Variants in B3GALT5 observed in about 807,000 individuals in gnomAD.
B3GALT5 encodes the protein beta-1,3-galactosyltransferase 5, also known as UDP-Gal:betaGlcNAc beta 1,3-galactosyltransferase, polypeptide 5.
For synonymous variants in B3GALT5, 156 were observed against 158.6 expected, an observed-to-expected ratio of 0.98 and a Z score of 0.12; for missense variants, 328 against 396.6, an observed-to-expected ratio of 0.83 and a Z score of 1.47.
At chr21:39,628,392 C>G (rs2079174785) in intron 1 of B3GALT5, among the ~76,000 whole-genome samples, 1 of 152,170 alleles carries the variant, frequency 6.6e-6, no homozygotes, top group Non-Finnish European at 1.5e-5. Flanking sequence ...TAAGTAATTT[C>G]TCATCCATCC....
intron 1 of B3GALT5, among the ~76,000 whole-genome samples, chr21:39,615,348 T>C (rs1029329744): frequency 1.3e-5 from 2 of 152,222 alleles, no homozygotes; most frequent in Admixed American, 6.5e-5. Context: ...AGATGATTTA[T>C]AGAGATTTTG....
intron 2 of B3GALT5, among the ~76,000 whole-genome samples, chr21:39,655,771 G>A (rs2079437118): frequency 6.6e-6 from 1 of 152,176 alleles, no homozygotes; most frequent in Non-Finnish European, 1.5e-5. Context: ...AGCCAGGCTG[G>A]CGTCAGTCTG....
intron 1 of B3GALT5, among the ~76,000 whole-genome samples, chr21:39,620,443 T>G (rs2079128562): frequency 6.6e-6 from 1 of 152,222 alleles, no homozygotes; most frequent in Non-Finnish European, 1.5e-5. Context: ...GTTCTGATAG[T>G]TTACATGTAG....
chr21:39,638,870 G>A (rs2079249694), intron 1 of B3GALT5, among the ~76,000 whole-genome samples: 1 of 152,166 alleles, frequency 6.6e-6, no homozygotes, highest in African/African-American at 2.4e-5. Context: ...GGAGGACAAG[G>A]GAACTTCTTC....
Position 39,670,271 on chromosome 21 carries a change from T to C in B3GALT5, c.*8779T>C, listed in dbSNP as rs16998106. 25,598 of 152,090 alleles carry C rather than the reference T, an allele frequency of 0.17. 3,844 individuals are homozygous for C. Among genetic ancestry groups the C allele is most frequent in the African/African-American group, 0.41 (16,964 of 41,384 alleles). 9.4% of individuals were successfully genotyped at this position (152,090 alleles called of 1,614,324 possible). On this transcript the variant is annotated 3_prime_UTR_variant, in exon 4 of 4. Transcript: ENST00000684187. The stretch of plus-strand genomic sequence containing the variant: ...AGAGAGAGAGACAGACAGACAGATC[T>C]GAGGCTCTAATTAGAGATACCATGC...
chr21:39,646,643 T>A (rs1459963379), intron 2 of B3GALT5, 21 bp downstream of exon 2: 1 of 152,178 alleles, frequency 6.6e-6, no homozygotes, highest in Non-Finnish European at 1.5e-5. Context: ...TTCCAAGGTT[T>A]GTACCAAGAA....
Position 39,670,405 on chromosome 21 carries a change from C to G in B3GALT5, c.*8913C>G, listed in dbSNP as rs905755146. 4 of 152,194 alleles carry G rather than the reference C, an allele frequency of 2.6e-5. No homozygotes were observed. The highest frequency in any genetic ancestry group is 3.2e-3 in the Middle Eastern group (1 of 316). 9.4% of individuals were successfully genotyped at this position (152,194 alleles called of 1,614,324 possible). On this transcript the variant is annotated 3_prime_UTR_variant, in exon 4 of 4. Transcript: ENST00000684187. ...ACCTGGGATGTAAAACAGCAGGCAC[C>G]CCCACTGCCCTCCTCAGCTGTTGGG...
In B3GALT5 at chr21:39,660,549, G is replaced by A. The variant is rs372075526; in HGVS notation, c.1-11G>A. 2 of 1,416,614 alleles carry A rather than the reference G, an allele frequency of 1.4e-6. No homozygotes were observed. The highest frequency in any genetic ancestry group is 1.8e-6 in the Non-Finnish European group (2 of 1,081,928). 87.8% of individuals were successfully genotyped at this position (1,416,614 alleles called of 1,614,324 possible). On this transcript the variant is annotated splice_polypyrimidine_tract_variant and intron_variant, in intron 3 of 3. Coordinates refer to ENST00000684187, the MANE Select transcript of B3GALT5 (RefSeq NM_001356336.2). ...TTTTGAGGTCTAATCATTGGATTTT[G>A]TTCCTTTCAGATGGCTTTCCCGAAG...
At chr21:39,640,638 A>G (rs1481394886) in intron 1 of B3GALT5, among the ~76,000 whole-genome samples, 3 of 152,204 alleles carry the variant, frequency 2.0e-5, no homozygotes, top group Non-Finnish European at 4.4e-5. Flanking sequence ...TCTTGTAAAA[A>G]TGAATTATTT....
At chr21:39,621,012 C>T (rs1270251843) in intron 1 of B3GALT5, among the ~76,000 whole-genome samples, 3 of 152,154 alleles carry the variant, frequency 2.0e-5, no homozygotes, top group African/African-American at 7.2e-5. Context: ...TGCCTGTAGT[C>T]CCAACATTTT....
intron 1 of B3GALT5, among the ~76,000 whole-genome samples, chr21:39,644,447 C>A (rs2079318017): frequency 6.6e-6 from 1 of 152,132 alleles, no homozygotes; most frequent in African/African-American, 2.4e-5. Flanking sequence ...GCTTGCATGA[C>A]CCAGCTGCCA....
At chr21:39,638,139 C>G (rs2079242354) in intron 1 of B3GALT5, among the ~76,000 whole-genome samples, 1 of 152,128 alleles carries the variant, frequency 6.6e-6, no homozygotes, top group African/African-American at 2.4e-5. Flanking sequence ...GGCGTGGTCC[C>G]TGGTTAGGGC....
rs1249747082 is a variant in B3GALT5, at chr21:39,665,404, G to A, written c.*3912G>A. On this transcript the variant is annotated 3_prime_UTR_variant, in exon 4 of 4. Coordinates refer to ENST00000684187, the MANE Select transcript of B3GALT5 (RefSeq NM_001356336.2). ...CCAGCAGCATCCAGAGTGATCCTTT[G>A]AAAATCTCATTTCTCTGCTCAAAAC... 2 of 152,228 alleles carry A rather than the reference G, an allele frequency of 1.3e-5. No individual in the cohort carries two copies. Among genetic ancestry groups the A allele is most frequent in the Admixed American group, 6.5e-5 (1 of 15,284 alleles). 9.4% of individuals were successfully genotyped at this position (152,228 alleles called of 1,614,324 possible).
chr21:39,638,814 C>T (rs1305778693), intron 1 of B3GALT5, among the ~76,000 whole-genome samples: 1 of 152,096 alleles, frequency 6.6e-6, no homozygotes. Flanking sequence ...GTTTGAGCAG[C>T]GGGGCATGGA....
chr21:39,633,239 C>G (rs1179308919), intron 1 of B3GALT5, among the ~76,000 whole-genome samples: 7 of 152,044 alleles, frequency 4.6e-5, no homozygotes, highest in Non-Finnish European at 1.5e-5. Context: ...CCCTTGGTAA[C>G]AAGGAAATCA....
intron 2 of B3GALT5, among the ~76,000 whole-genome samples, chr21:39,648,568 T>TC (rs1251295765): frequency 6.6e-6 from 1 of 152,172 alleles, no homozygotes; most frequent in Non-Finnish European, 1.5e-5. Flanking sequence ...TTGTGCATTC[T>TC]GGGGGACAAG....
intron 1 of B3GALT5, among the ~76,000 whole-genome samples, chr21:39,641,469 A>G (rs1042091113): frequency 2.3e-4 from 35 of 152,252 alleles, no homozygotes; most frequent in Non-Finnish European, 4.6e-4. Flanking sequence ...AGATGAAAAA[A>G]AAGTTCTTAA....
chr21:39,649,233 G>A (rs1317038904), intron 2 of B3GALT5, among the ~76,000 whole-genome samples: 1 of 152,166 alleles, frequency 6.6e-6, no homozygotes, highest in East Asian at 1.9e-4. Flanking sequence ...ACCCTGAGAA[G>A]GACCATGGGC....
intron 1 of B3GALT5, among the ~76,000 whole-genome samples, chr21:39,638,435 G>A (rs535247119): frequency 1.3e-5 from 2 of 152,326 alleles, no homozygotes; most frequent in East Asian, 3.9e-4. Flanking sequence ...GCGGAGGCGG[G>A]CTAGGGCAGT....
Sources: allele counts gnomAD v4.1 joint callset (sites outside exome capture counted in the v4.1 genomes callset), GRCh38; gene constraint gnomAD v4.1.1; transcripts MANE v1.5; gene names NCBI Gene and HGNC (gene_info 2026-07-23, HGNC 2026-07-21).